ARHGEF7: variants seen among roughly 807,000 people sequenced by gnomAD.
ARHGEF7 encodes the protein PAK-interacting exchange factor beta.
A neutral mutation model predicts 109.8 loss-of-function variants in ARHGEF7; 33 were observed. The observed-to-expected ratio is 0.30, with a 90% CI of 0.23 to 0.40. ARHGEF7 has a LOEUF of 0.40. ARHGEF7 is among the 10% of genes least tolerant of loss of function. The pLI, the probability that ARHGEF7 is intolerant of heterozygous loss-of-function variation, is 1.00. For synonymous variants in ARHGEF7, 458 were observed against 424.6 expected, an observed-to-expected ratio of 1.08 and a Z score of -0.97; for missense variants, 938 against 1,098.5, an observed-to-expected ratio of 0.85 and a Z score of 2.07.
chr13:111,236,293 C>T (rs1350410489), intron 6 of ARHGEF7, among the ~76,000 whole-genome samples: 1 of 152,198 alleles, frequency 6.6e-6, no homozygotes, highest in Non-Finnish European at 1.5e-5. Context: ...TGCTTTGAAA[C>T]CTTTATCTCC....
At chr13:111,217,902 G>A (rs376000352) in intron 5 of ARHGEF7, 22 bp downstream of exon 5, 113 of 1,592,284 alleles carry the variant, frequency 7.1e-5, no homozygotes, top group Non-Finnish European at 9.1e-5. Flanking sequence ...AGCCTGGGCT[G>A]TGTGTGGCTT....
chr13:111,203,676 G>T (rs560829849), intron 2 of ARHGEF7, among the ~76,000 whole-genome samples: 1 of 152,244 alleles, frequency 6.6e-6, no homozygotes, highest in South Asian at 2.1e-4. Context: ...GATTTGGTGG[G>T]TTTTTCTCTT....
intron 2 of ARHGEF7, among the ~76,000 whole-genome samples, chr13:111,163,182 T>C (rs957516254): frequency 1.3e-5 from 2 of 152,236 alleles, no homozygotes; most frequent in East Asian, 1.9e-4. Flanking sequence ...AAATATTGTT[T>C]GGGAGAAGAA....
chr13:111,298,964 C>T (rs942648), intron 19 of ARHGEF7, among the ~76,000 whole-genome samples: 16,507 of 152,322 alleles, frequency 0.11, 1,200 homozygotes, highest in Middle Eastern at 0.22. Flanking sequence ...TTTCCATTAT[C>T]GGTGTGGCAA....
chr13:111,154,846 G>C (rs1181670095), intron 2 of ARHGEF7, among the ~76,000 whole-genome samples: 2 of 152,022 alleles, frequency 1.3e-5, no homozygotes, highest in African/African-American at 4.8e-5. Context: ...CGTTTATGTT[G>C]CCACTTTGTC....
chr13:111,280,828 C>A, intron 15 of ARHGEF7, 151 bp downstream of exon 15: 1 of 899,918 alleles, frequency 1.1e-6, no homozygotes, highest in Non-Finnish European at 1.6e-6. Context: ...AGATCTTTGG[C>A]CCTCTTCGTG....
Position 111,209,539 on chromosome 13 carries a change from G to A in ARHGEF7, c.338-333G>A, listed in dbSNP as rs1029139105. Among the ~76,000 whole-genome samples the A allele has an allele frequency of 5.9e-5, 9 of 152,176 alleles. No individual in the cohort carries two copies. In the East Asian group the frequency reaches 9.6e-4, roughly 16 times the overall value. Reference sequence around the variant, plus strand: ...GAGAATCAGTACTTGGTTGTTCTCCGCTCCATAATCAAATTTGAGAGGCTT... The same window carrying A: ...GAGAATCAGTACTTGGTTGTTCTCCACTCCATAATCAAATTTGAGAGGCTT... On this transcript the variant is annotated intron_variant, in intron 3 of 21. Transcript: ENST00000646102.
At chr13:111,130,577 A>T (rs539700399) in intron 1 of ARHGEF7, among the ~76,000 whole-genome samples, 1 of 152,348 alleles carries the variant, frequency 6.6e-6, no homozygotes, top group East Asian at 1.9e-4. Flanking sequence ...TTATTTTCTC[A>T]TCAAATCTTT....
At position 111,265,554 on chromosome 13, in the gene ARHGEF7, T is replaced by G. The variant is rs572698948; in HGVS notation, c.951-1994T>G. The G allele has an allele frequency of 5.0e-5, 23 of 456,620 alleles. No individual in the cohort carries two copies. The Admixed American group carries it at 5.2e-4, about 10-fold the overall frequency. 28.3% of individuals were successfully genotyped at this position (456,620 alleles called of 1,614,324 possible). On this transcript the variant is annotated intron_variant, in intron 8 of 21. Transcript: ENST00000646102. Reference sequence around the variant, plus strand: ...GGCACACCCAGAGACTGCATGGAGGTGGAACCGGGAAGTCCGGGGTCTGAG... The same window carrying G: ...GGCACACCCAGAGACTGCATGGAGGGGGAACCGGGAAGTCCGGGGTCTGAG...
chr13:111,233,271 T>G lies in ARHGEF7; in HGVS notation c.737T>G (p.Ile246Arg), dbSNP rs1419635731. The G allele has an allele frequency of 4.3e-6, 7 of 1,614,020 alleles. No homozygotes were observed. The highest frequency in any genetic ancestry group is 5.9e-6 in the Non-Finnish European group (7 of 1,179,864). ...CCCAAAGGATTTGATACGACTGCCA[T>G]AAACAAAAGCTATTACAATGTGGTG... ...SPPKGFDTTAINKSYYNVVLQ... is the reference protein window; with the variant it reads ...SPPKGFDTTARNKSYYNVVLQ... Residue 246 changes from isoleucine to arginine, a missense_variant, in exon 6 of 22, where the codon ATA becomes AGA. Physicochemically the swap from Ile to Arg is moderately conservative, Grantham distance 97 (BLOSUM62 -3). Coordinates refer to ENST00000646102, the MANE Select transcript of ARHGEF7 (RefSeq NM_001354046.2).
chr13:111,191,840 AGAAG>A (rs929442348), intron 2 of ARHGEF7, among the ~76,000 whole-genome samples: 3 of 152,244 alleles, frequency 2.0e-5, no homozygotes, highest in African/African-American at 7.2e-5. Flanking sequence ...AATTGCTGTC[AGAAG>A]GAAGGAAGAT....
chr13:111,155,328 G>A (rs2076229040), intron 2 of ARHGEF7, among the ~76,000 whole-genome samples: 1 of 152,212 alleles, frequency 6.6e-6, no homozygotes, highest in East Asian at 1.9e-4. Context: ...GTGAGGGCAG[G>A]TTACATGGAA....
chr13:111,139,687 C>T (rs1405616390), intron 1 of ARHGEF7, among the ~76,000 whole-genome samples: 2 of 152,234 alleles, frequency 1.3e-5, no homozygotes, highest in East Asian at 3.9e-4. Context: ...TAGGGGCAAA[C>T]CCAATTTGGG....
intron 1 of ARHGEF7, among the ~76,000 whole-genome samples, chr13:111,139,406 G>C (rs573652569): frequency 9.2e-5 from 14 of 152,236 alleles, no homozygotes; most frequent in African/African-American, 2.9e-4. Context: ...CTACCTCTCT[G>C]TCTCTCCCTC....
At position 111,239,618 on chromosome 13, in the gene ARHGEF7, T is replaced by G. The variant is rs1262643544; in HGVS notation, c.760-4254T>G. Among the ~76,000 whole-genome samples, 1 of 152,090 alleles carries G rather than the reference T, an allele frequency of 6.6e-6. No homozygotes were observed. Among genetic ancestry groups the G allele is most frequent in the Non-Finnish European group, 1.5e-5 (1 of 68,012 alleles). On this transcript the variant is annotated intron_variant, in intron 6 of 21. Transcript: ENST00000646102. The surrounding 1 kb of genome is among the most constrained non-coding windows in gnomAD (Gnocchi z 4.3). ...GTTAAATCTTTTGACTCCTGAAGTCTCTGCTTGGGGCCCGTAGGTGGAGAT... is the reference window on the plus strand; with the variant it reads ...GTTAAATCTTTTGACTCCTGAAGTCGCTGCTTGGGGCCCGTAGGTGGAGAT...
In ARHGEF7 at chr13:111,185,010, A is replaced by AT. The variant is rs200439907; in HGVS notation, c.253-20268dup. On this transcript the variant is annotated intron_variant, in intron 2 of 21. Coordinates refer to ENST00000646102, the MANE Select transcript of ARHGEF7 (RefSeq NM_001354046.2). ...GATTTCGCTTCTGGGTAGAATTGTC[A>AT]TTTTTTTTTTTCCTCAGAGACTGTT... 1.1e-3 allele frequency: 161 copies of AT among 145,814 alleles called. 1 individual carries two copies. The East Asian group carries it at 0.014, about 13-fold the overall frequency. The allele number at this position is 145,814 out of a possible 1,614,324, so 9.0% of individuals were successfully genotyped here.
intron 10 of ARHGEF7, 115 bp from the exon 11 acceptor site, chr13:111,274,616 G>T: frequency 2.1e-6 from 1 of 478,050 alleles, no homozygotes. Context: ...GAGGGAAAAA[G>T]GGAATGTTAA....
chr13:111,299,100 T>TC (rs1323671562), intron 19 of ARHGEF7, among the ~76,000 whole-genome samples: 3 of 152,166 alleles, frequency 2.0e-5, no homozygotes, highest in African/African-American at 7.2e-5. Context: ...TCCCTGAATT[T>TC]CCAGTTTCCC....
intron 8 of ARHGEF7, among the ~76,000 whole-genome samples, chr13:111,261,827 A>G (rs115407637): frequency 0.011 from 1,661 of 152,340 alleles, 25 homozygotes; most frequent in African/African-American, 0.037. Context: ...TTTGGAAACT[A>G]TGCAGACACA....
Sources: gnomAD v4.1 joint callset for allele counts (sites outside exome capture counted in the v4.1 genomes callset) on GRCh38, gnomAD v4.1.1 for gene constraint, Gnocchi (gnomAD v3.1) non-coding constraint, MANE v1.5 for transcripts, NCBI Gene and HGNC (gene_info 2026-07-23, HGNC 2026-07-21) for gene names.